Variants in AKAP12 observed in about 807,000 individuals in gnomAD.
AKAP12 encodes A-kinase anchor protein 12.
A neutral mutation model predicts 79.9 loss-of-function variants in AKAP12; 32 were observed. The ratio of observed to expected loss-of-function variants is 0.40; its 90% CI spans 0.30 to 0.54. The LOEUF (loss-of-function observed/expected upper bound fraction) is 0.54. Ranked by LOEUF, AKAP12 falls within the 20% of genes least tolerant of loss-of-function variation. AKAP12 has a pLI of 0.48. For synonymous variants in AKAP12, 808 were observed against 857.0 expected (o/e 0.94, Z 1.00); for missense variants, 2,074 against 2,177.0 (o/e 0.95, Z 0.94).
intron 2 of AKAP12, among the ~76,000 whole-genome samples, chr6:151,256,469 A>G (rs1797299570): frequency 6.6e-6 from 1 of 152,134 alleles, no homozygotes; most frequent in African/African-American, 2.4e-5. Context: ...TATAAAGCCA[A>G]TAATTACCTA....
chr6:151,330,070 C>T (rs1054560601), intron 3 of AKAP12, among the ~76,000 whole-genome samples: 3 of 152,162 alleles, frequency 2.0e-5, no homozygotes, highest in Non-Finnish European at 4.4e-5. Context: ...TGCCTGTAAT[C>T]CCAGCACTTT....
chr6:151,325,450 G>A, intron 3 of AKAP12: 1 of 985,388 alleles, frequency 1.0e-6, no homozygotes, highest in African/African-American at 1.7e-5. Flanking sequence ...AAACCCTCCC[G>A]GGACTCTGCA....
rs773654953 is a variant in AKAP12 at position 151,350,644 on chromosome 6, C to G, written c.2253C>G (p.Thr751=). The G allele has an allele frequency of 9.3e-6, 15 of 1,613,896 alleles. No individual in the cohort carries two copies. Among genetic ancestry groups the G allele is most frequent in the East Asian group, 6.7e-5 (3 of 44,854 alleles). The change falls in exon 4 of 5, where the codon ACC becomes ACG. Residue 751 remains threonine, a synonymous_variant. Transcript: ENST00000402676. This position sits in a 1 kb window ranked among gnomAD's most constrained non-coding sequence, Gnocchi z 4.8. ...SSSPEQAGSP[T]EGEGVSTWES... is the part of the protein sequence containing the mutation. ...CCCCGGAGCAAGCTGGAAGCCCTAC[C>G]GAAGGGGAGGGCGTTTCCACCTGGG... is the stretch of plus-strand genomic sequence containing the variant.
In AKAP12 at chr6:151,357,639, A is replaced by G. The variant is rs1217906788; in HGVS notation, c.*1925A>G. 1 of 151,640 alleles carries G rather than the reference A, an allele frequency of 6.6e-6. No individual in the cohort carries two copies. Among genetic ancestry groups the G allele is most frequent in the Non-Finnish European group, 1.5e-5 (1 of 67,958 alleles). The allele number at this position is 151,640 out of a possible 1,614,324, so 9.4% of individuals were successfully genotyped here. On this transcript the variant is annotated 3_prime_UTR_variant, in exon 5 of 5. Coordinates refer to ENST00000402676, the MANE Select transcript of AKAP12 (RefSeq NM_005100.4). ...CATCTTTTAGGAGTTATTCTCAAATATATATAATAGCTACCCATGCATCAT... is the reference window on the plus strand; with the variant it reads ...CATCTTTTAGGAGTTATTCTCAAATGTATATAATAGCTACCCATGCATCAT...
At chr6:151,334,715 G>A (rs1582889280) in intron 3 of AKAP12, among the ~76,000 whole-genome samples, 2 of 151,346 alleles carry the variant, frequency 1.3e-5, no homozygotes, top group African/African-American at 2.4e-5. Context: ...TCCGCCTCCC[G>A]GGTTCACGCC....
chr6:151,299,551 C>A (rs765061213), intron 2 of AKAP12, among the ~76,000 whole-genome samples: 21 of 152,256 alleles, frequency 1.4e-4, no homozygotes, highest in Non-Finnish European at 2.5e-4. Flanking sequence ...CTCTTCCTCT[C>A]CCTCTTTGTC....
intron 3 of AKAP12, among the ~76,000 whole-genome samples, chr6:151,334,149 C>T (rs1777751027): frequency 6.6e-6 from 1 of 152,094 alleles, no homozygotes; most frequent in African/African-American, 2.4e-5. Context: ...GGATCTGCAT[C>T]TTTACATGGT....
intron 2 of AKAP12, among the ~76,000 whole-genome samples, chr6:151,274,883 A>G (rs1203070816): frequency 6.6e-6 from 1 of 152,152 alleles, no homozygotes; most frequent in African/African-American, 2.4e-5. Context: ...CAGATGGATC[A>G]CTTGAGCTGA....
chr6:151,240,778 G>T, intron 2 of AKAP12, 54 bp downstream of exon 2: 1 of 1,138,446 alleles, frequency 8.8e-7, no homozygotes, highest in South Asian at 3.7e-5. Context: ...TGGGGGTGGG[G>T]GTGGGGGTGG....
rs1778235297 is a variant in AKAP12 at position 151,350,096 on chromosome 6, T to A, written c.1705T>A (p.Ser569Thr). Residue 569 changes from serine to threonine, a missense_variant, in exon 4 of 5, where the codon TCC becomes ACC. Ser to Thr is a moderately conservative substitution (Grantham distance 58). Transcript: ENST00000402676. The surrounding 1 kb of genome is among the most constrained non-coding windows in gnomAD (Gnocchi z 4.8). Reference protein sequence around the residue: ...EEQKGESSASSPEEPEEITCL... With the variant: ...EEQKGESSASTPEEPEEITCL... ...GCAAAAGGGCGAGAGCTCTGCCTCA[T>A]CCCCTGAGGAGCCCGAGGAGATCAC... 3 of 1,613,730 alleles carry A rather than the reference T, an allele frequency of 1.9e-6. No individual in the cohort carries two copies. The South Asian group carries it at 3.3e-5, about 18-fold the overall frequency.
At chr6:151,250,935 A>G (rs1408932868) in intron 2 of AKAP12, among the ~76,000 whole-genome samples, 1 of 152,116 alleles carries the variant, frequency 6.6e-6, no homozygotes, top group Non-Finnish European at 1.5e-5. Context: ...CTAACCACAT[A>G]CTTATGTTCT....
intron 2 of AKAP12, among the ~76,000 whole-genome samples, chr6:151,294,685 A>T (rs1471044654): frequency 6.6e-6 from 1 of 152,216 alleles, no homozygotes; most frequent in Admixed American, 6.5e-5. Context: ...GCCTGAAATC[A>T]GCATGGTTGA....
chr6:151,316,194 C>A (rs1285809848), intron 3 of AKAP12, among the ~76,000 whole-genome samples: 1 of 152,178 alleles, frequency 6.6e-6, no homozygotes, highest in Non-Finnish European at 1.5e-5. Flanking sequence ...TTTCAAATTG[C>A]TCTTTACTTC....
At chr6:151,278,823 A>G (rs889601223) in intron 2 of AKAP12, among the ~76,000 whole-genome samples, 2 of 151,882 alleles carry the variant, frequency 1.3e-5, no homozygotes, top group Admixed American at 1.3e-4. Flanking sequence ...ACCTGCCACC[A>G]TGCCCGGCTA....
Position 151,349,030 on chromosome 6 carries a change from C to T in AKAP12, c.639C>T (p.Gly213=), listed in dbSNP as rs751442745. ...KDEGEGAAGA[G]DHKDPSLGAG... is the part of the protein sequence containing the mutation. ...AAGGGGAGGGAGCAGCAGGGGCTGG[C>T]GACCACAAGGACCCCAGCCTTGGGG... The change falls in exon 4 of 5, where the codon GGC becomes GGT. Residue 213 remains glycine, a synonymous_variant. Coordinates refer to ENST00000402676, the MANE Select transcript of AKAP12 (RefSeq NM_005100.4). The T allele has an allele frequency of 2.5e-6, 4 of 1,613,400 alleles. No homozygotes were observed. Among genetic ancestry groups the T allele is most frequent in the South Asian group, 2.2e-5 (2 of 91,066 alleles).
chr6:151,281,136 G>A (rs369652125), intron 2 of AKAP12, among the ~76,000 whole-genome samples: 2 of 152,282 alleles, frequency 1.3e-5, no homozygotes. Flanking sequence ...GGGCATGTGC[G>A]TGGTGTTCAG....
chr6:151,262,667 A>C (rs1293127570), intron 2 of AKAP12, among the ~76,000 whole-genome samples: 4 of 152,186 alleles, frequency 2.6e-5, no homozygotes, highest in African/African-American at 4.8e-5. Flanking sequence ...TAGCAAGTGA[A>C]TATCTGGCAT....
At chr6:151,253,944 G>C (rs1209856076) in intron 2 of AKAP12, among the ~76,000 whole-genome samples, 1 of 152,042 alleles carries the variant, frequency 6.6e-6, no homozygotes, top group East Asian at 1.9e-4. Context: ...CCTGACCTCA[G>C]GTAATCTGCC....
intron 3 of AKAP12, among the ~76,000 whole-genome samples, chr6:151,315,054 G>GA (rs75653442): frequency 0.25 from 32,328 of 129,038 alleles, 3,744 homozygotes; most frequent in East Asian, 0.39. Flanking sequence ...TCTGTCTCAA[G>GA]AAAAAAAAAA....
Sources: gnomAD v4.1 joint callset for allele counts (sites outside exome capture counted in the v4.1 genomes callset) on GRCh38, gnomAD v4.1.1 for gene constraint, Gnocchi (gnomAD v3.1) non-coding constraint, MANE v1.5 for transcripts, NCBI Gene and HGNC (gene_info 2026-07-23, HGNC 2026-07-21) for gene names.